Variants in CHSY3 observed in about 807,000 individuals in gnomAD.
CHSY3 encodes chondroitin sulfate synthase 3, also known as N-acetylgalactosaminyl-proteoglycan 3-beta-glucuronosyltransferase 3.
Under a neutral mutation model 67.2 loss-of-function variants are expected in CHSY3, and 35 were observed. The observed-to-expected ratio is 0.52, with a 90% CI of 0.40 to 0.69. The LOEUF is 0.69. Among genes scored for constraint, CHSY3 ranks in the 30% least tolerant of loss-of-function variants. The pLI is 0.00. For synonymous variants in CHSY3, 474 were observed against 434.7 expected (o/e 1.09, Z -1.12); for missense variants, 1,069 against 1,138.5 (o/e 0.94, Z 0.88).
At chr5:130,119,604 G>C (rs1027266780) in intron 2 of CHSY3, among the ~76,000 whole-genome samples, 4 of 151,888 alleles carry the variant, frequency 2.6e-5, no homozygotes, top group African/African-American at 9.7e-5. Context: ...CAACTGAAGG[G>C]TTTATCTTCC....
chr5:130,060,961 A>T (rs1039425874), intron 2 of CHSY3, among the ~76,000 whole-genome samples: 3 of 152,174 alleles, frequency 2.0e-5, no homozygotes, highest in African/African-American at 7.2e-5. Context: ...GATTAGATGA[A>T]TCAATATCGT....
chr5:129,908,021 A>T, intron 1 of CHSY3, 56 bp from the exon 2 acceptor site: 7 of 1,570,436 alleles, frequency 4.5e-6, no homozygotes, highest in Non-Finnish European at 6.0e-6. Context: ...TACCTTGTAC[A>T]TGATAAGTGA....
chr5:129,990,182 T>C (rs73785837), intron 2 of CHSY3, among the ~76,000 whole-genome samples: 3,847 of 152,210 alleles, frequency 0.025, 171 homozygotes, highest in African/African-American at 0.088. Context: ...AAATTACAGA[T>C]TTATTATAAT....
rs189554525 is a variant in CHSY3, at chr5:129,937,701, A to G, written c.1086+29341A>G. Reference sequence around the variant, plus strand: ...GTACAGGCATTAGGTAAATGCTCCTATTCCAAATGAGAGTAATTGGCCAAA... The same window carrying G: ...GTACAGGCATTAGGTAAATGCTCCTGTTCCAAATGAGAGTAATTGGCCAAA... On this transcript the variant is annotated intron_variant, in intron 2 of 2. Transcript: ENST00000305031. Among the ~76,000 whole-genome samples, 5 of 152,278 alleles carry G rather than the reference A, an allele frequency of 3.3e-5. No homozygotes were observed. The South Asian group carries it at 8.3e-4, about 25-fold the overall frequency.
intron 2 of CHSY3, among the ~76,000 whole-genome samples, chr5:130,103,521 T>C (rs554422686): frequency 1.3e-5 from 2 of 152,076 alleles, no homozygotes; most frequent in Admixed American, 1.3e-4. Context: ...CCATTCAAGT[T>C]TCATCTTTTT....
intron 2 of CHSY3, among the ~76,000 whole-genome samples, chr5:130,118,160 C>T (rs913002693): frequency 6.6e-5 from 10 of 152,154 alleles, no homozygotes; most frequent in African/African-American, 2.4e-4. Context: ...ACATCTTGTA[C>T]AGCATGTAGA....
At chr5:129,931,762 T>TAGGTAGGGAGGGGGAAA (rs1581378673) in intron 2 of CHSY3, among the ~76,000 whole-genome samples, 1 of 152,290 alleles carries the variant, frequency 6.6e-6, no homozygotes, top group East Asian at 1.9e-4. Flanking sequence ...ATTCTAGTTT[T>TAGGTAGGGAGGGGGAAA]AGGTAGGGAG....
chr5:129,960,702 G>T (rs1171644319), intron 2 of CHSY3, among the ~76,000 whole-genome samples: 2 of 151,692 alleles, frequency 1.3e-5, no homozygotes, highest in African/African-American at 4.8e-5. Context: ...GAAATCATTT[G>T]TTTTATGTAT....
intron 2 of CHSY3, among the ~76,000 whole-genome samples, chr5:130,172,919 A>G (rs1207788274): frequency 1.3e-5 from 2 of 152,204 alleles, no homozygotes; most frequent in African/African-American, 4.8e-5. Flanking sequence ...ATATTGTAGC[A>G]AGTGATAGGA....
intron 2 of CHSY3, among the ~76,000 whole-genome samples, chr5:130,044,606 T>G (rs1211283755): frequency 6.6e-6 from 1 of 152,104 alleles, no homozygotes; most frequent in Non-Finnish European, 1.5e-5. Flanking sequence ...AAAGTCATTA[T>G]GAAGTAGTAG....
intron 2 of CHSY3, among the ~76,000 whole-genome samples, chr5:129,946,821 A>T (rs1761869472): frequency 6.6e-6 from 1 of 152,150 alleles, no homozygotes; most frequent in South Asian, 2.1e-4. Context: ...TTATTCATTC[A>T]TTTATCCACT....
Position 130,185,952 on chromosome 5 carries a change from T to G in CHSY3, c.*161T>G. On this transcript the variant is annotated 3_prime_UTR_variant, in exon 3 of 3. Coordinates refer to ENST00000305031, the MANE Select transcript of CHSY3 (RefSeq NM_175856.5). ...TCTTGGTTGTCTTCCTAAGGGTGTTTGTTGACCTCAAGCAAGAAGAGTCTG... is the reference window on the plus strand; with the variant it reads ...TCTTGGTTGTCTTCCTAAGGGTGTTGGTTGACCTCAAGCAAGAAGAGTCTG... The G allele has an allele frequency of 7.7e-6, 3 of 387,264 alleles. No individual in the cohort carries two copies. Among genetic ancestry groups the G allele is most frequent in the Non-Finnish European group, 1.3e-5 (3 of 228,578 alleles). 24.0% of individuals were successfully genotyped at this position (387,264 alleles called of 1,614,324 possible).
At chr5:130,006,803 TA>T (rs1411352231) in intron 2 of CHSY3, among the ~76,000 whole-genome samples, 5 of 152,192 alleles carry the variant, frequency 3.3e-5, no homozygotes, top group Non-Finnish European at 7.4e-5. Flanking sequence ...TTGGGTCCTC[TA>T]AAAAATTTAT....
At chr5:129,914,816 GCTTT>G (rs1760685131) in intron 2 of CHSY3, among the ~76,000 whole-genome samples, 1 of 152,184 alleles carries the variant, frequency 6.6e-6, no homozygotes, top group Non-Finnish European at 1.5e-5. Flanking sequence ...GACAATTTAT[GCTTT>G]CTAAGAAGAT....
At chr5:129,959,371 A>T (rs751448724) in intron 2 of CHSY3, among the ~76,000 whole-genome samples, 1 of 152,020 alleles carries the variant, frequency 6.6e-6, no homozygotes. Flanking sequence ...CACATTTCCT[A>T]TAGCTACCTA....
At chr5:130,162,462 T>A (rs973371590) in intron 2 of CHSY3, among the ~76,000 whole-genome samples, 2 of 152,178 alleles carry the variant, frequency 1.3e-5, no homozygotes, top group African/African-American at 4.8e-5. Context: ...ACCTTCCTTA[T>A]GAAATCAGCT....
intron 2 of CHSY3, among the ~76,000 whole-genome samples, chr5:129,911,771 T>C (rs982189659): frequency 6.6e-6 from 1 of 152,154 alleles, no homozygotes; most frequent in East Asian, 1.9e-4. Flanking sequence ...TAAAACTTAC[T>C]ATGGGCTGGG....
At chr5:129,944,001 A>G (rs750038168) in intron 2 of CHSY3, among the ~76,000 whole-genome samples, 19 of 152,194 alleles carry the variant, frequency 1.2e-4, no homozygotes, top group Admixed American at 2.0e-4. Context: ...CTCTTCTGTA[A>G]TGGCAGCTCT....
chr5:129,908,243 G>A lies in CHSY3; in HGVS notation c.969G>A (p.Arg323=), dbSNP rs759675289. The A allele has an allele frequency of 6.2e-7, 1 of 1,614,206 alleles. No individual in the cohort carries two copies. Among genetic ancestry groups the A allele is most frequent in the Non-Finnish European group, 8.5e-7 (1 of 1,180,032 alleles). ...TGATCTTTAGCCGAGAAGTTCTCAG[G>A]AGGATGGTGCCACATATTGGTGAAT... is the stretch of plus-strand genomic sequence containing the variant. ...PGMIFSREVL[R]RMVPHIGECL... is the part of the protein sequence containing the mutation. Residue 323 remains arginine, a synonymous_variant, in exon 2 of 3, where the codon AGG becomes AGA. Transcript: ENST00000305031.
Sources: allele counts gnomAD v4.1 joint callset (sites outside exome capture counted in the v4.1 genomes callset), GRCh38; gene constraint gnomAD v4.1.1; transcripts MANE v1.5; gene names NCBI Gene and HGNC (gene_info 2026-07-23, HGNC 2026-07-21).